The following SRPK2 variants were observed in gnomAD, a reference collection of about 807,000 sequenced individuals.
SRPK2 encodes SRSF protein kinase 2.
A neutral mutation model predicts 90.8 loss-of-function variants in SRPK2; 21 were observed. The ratio of observed to expected loss-of-function variants is 0.23; its 90% CI spans 0.16 to 0.33. The LOEUF is 0.33. Among genes scored for constraint, SRPK2 ranks in the 10% least tolerant of loss-of-function variants. SRPK2 has a pLI of 1.00. For synonymous variants in SRPK2, 288 were observed against 311.1 expected (o/e 0.93, Z 0.78); for missense variants, 620 against 869.0 (o/e 0.71, Z 3.60).
chr7:105,224,865 TTG>T (rs1311326490), intron 2 of SRPK2, among the ~76,000 whole-genome samples: 1 of 152,214 alleles, frequency 6.6e-6, no homozygotes, highest in Non-Finnish European at 1.5e-5. Flanking sequence ...CAAAATGAAT[TTG>T]TTTGCTGAAG....
intron 2 of SRPK2, among the ~76,000 whole-genome samples, chr7:105,319,838 G>A (rs1183986393): frequency 6.0e-5 from 9 of 149,520 alleles, no homozygotes; most frequent in Admixed American, 4.0e-4. Context: ...TCACTTCCGA[G>A]TTCTGGACAT....
At chr7:105,383,241 T>C (rs953787423) in intron 2 of SRPK2, among the ~76,000 whole-genome samples, 4 of 143,248 alleles carry the variant, frequency 2.8e-5, no homozygotes, top group African/African-American at 1.0e-4. Flanking sequence ...ATTTTTTGTA[T>C]TTTTTTTTTT....
At chr7:105,212,520 T>C (rs909152835) in intron 2 of SRPK2, among the ~76,000 whole-genome samples, 1 of 152,218 alleles carries the variant, frequency 6.6e-6, no homozygotes, top group Admixed American at 6.5e-5. Context: ...TAATCTGGTA[T>C]GACTGGAGAG....
intron 2 of SRPK2, among the ~76,000 whole-genome samples, chr7:105,217,898 T>A (rs1236719771): frequency 1.3e-5 from 2 of 152,200 alleles, no homozygotes; most frequent in Non-Finnish European, 2.9e-5. Flanking sequence ...TCCAGTCTCC[T>A]GTATAATTCC....
intron 2 of SRPK2, chr7:105,245,071 ACACC>A (rs1801449039): frequency 1.7e-6 from 1 of 575,516 alleles, no homozygotes; most frequent in African/African-American, 2.0e-5. Context: ...ACACACACAC[ACACC>A]TCTTTTTCTT....
intron 6 of SRPK2, among the ~76,000 whole-genome samples, chr7:105,163,426 C>A (rs767427780): frequency 6.6e-6 from 1 of 152,026 alleles, no homozygotes; most frequent in African/African-American, 2.4e-5. Flanking sequence ...AATGAATAAC[C>A]GGTTTTAAGA....
At position 105,313,714 on chromosome 7, in the gene SRPK2, G is replaced by C. The variant is rs150522003; in HGVS notation, c.71+74934C>G. On this transcript the variant is annotated intron_variant, in intron 2 of 15. Coordinates refer to ENST00000393651, the MANE Select transcript of SRPK2 (RefSeq NM_182692.3). ...TGCAGTCAGCAAAGATTGCACCACT[G>C]CACTCCAGCCTGGACAACAGAGCGA... Among the ~76,000 whole-genome samples the C allele has an allele frequency of 2.3e-3, 346 of 152,228 alleles. 1 individual carries two copies. Among genetic ancestry groups the C allele is most frequent in the African/African-American group, 8.0e-3 (333 of 41,548 alleles).
chr7:105,147,484 A>AT (rs1363242824), intron 7 of SRPK2, among the ~76,000 whole-genome samples: 5 of 151,312 alleles, frequency 3.3e-5, no homozygotes, highest in Non-Finnish European at 7.4e-5. Flanking sequence ...CGCCTGGCTA[A>AT]TTTTTTTTGT....
intron 3 of SRPK2, among the ~76,000 whole-genome samples, chr7:105,176,070 T>C (rs1019829330): frequency 6.6e-5 from 10 of 152,200 alleles, no homozygotes; most frequent in Non-Finnish European, 1.3e-4. Flanking sequence ...GATACAAACG[T>C]TCCAGACAAA....
chr7:105,264,813 G>A (rs1231458148), intron 2 of SRPK2, among the ~76,000 whole-genome samples: 1 of 152,170 alleles, frequency 6.6e-6, no homozygotes, highest in Non-Finnish European at 1.5e-5. Context: ...AACAGCAGAT[G>A]TGGGCAATGC....
chr7:105,379,556 GTAGAGTA>G (rs960131012), intron 2 of SRPK2, among the ~76,000 whole-genome samples: 10 of 152,306 alleles, frequency 6.6e-5, no homozygotes, highest in African/African-American at 2.2e-4. Flanking sequence ...CTCCTAGGTG[GTAGAGTA>G]TAGACTCGGG....
chr7:105,376,843 C>G (rs553070871), intron 2 of SRPK2, among the ~76,000 whole-genome samples: 1 of 101,190 alleles, frequency 9.9e-6, no homozygotes, highest in East Asian at 5.4e-4. Flanking sequence ...CGCCCCCCCA[C>G]CCCCCTTTTT....
upstream of SRPK2, among the ~76,000 whole-genome samples, chr7:105,393,836 G>A (rs1822246048): frequency 6.6e-6 from 1 of 151,992 alleles, no homozygotes; most frequent in Non-Finnish European, 1.5e-5. Context: ...GGCTAAAGTA[G>A]GAGGATCACT....
At chr7:105,351,804 CAA>C (rs569215779) in intron 2 of SRPK2, among the ~76,000 whole-genome samples, 25 of 94,632 alleles carry the variant, frequency 2.6e-4, no homozygotes, top group Admixed American at 1.1e-4. Flanking sequence ...GACTCCATCT[CAA>C]AAAAAAAAAA....
chr7:105,379,705 G>A (rs1045852096), intron 2 of SRPK2, among the ~76,000 whole-genome samples: 11 of 152,088 alleles, frequency 7.2e-5, no homozygotes, highest in African/African-American at 1.7e-4. Flanking sequence ...TGGGCCAGGC[G>A]TGGTGGCTCA....
At chr7:105,160,401 T>G in intron 7 of SRPK2, 106 bp downstream of exon 7, 1 of 632,074 alleles carries the variant, frequency 1.6e-6, no homozygotes, top group Non-Finnish European at 2.9e-6. Context: ...ATATACATTA[T>G]GCACTGATAC....
Position 105,163,876 on chromosome 7 carries a change from C to G in SRPK2, c.515-3263G>C, listed in dbSNP as rs75086111. Among the ~76,000 whole-genome samples, 285 of 152,254 alleles carry G rather than the reference C, an allele frequency of 1.9e-3. 7 individuals carry two copies. The East Asian group carries it at 0.047, about 25-fold the overall frequency. On this transcript the variant is annotated intron_variant, in intron 6 of 15. Transcript: ENST00000393651. ...ATGACAGCACAAACAACAGCCAACA[C>G]CACAGACTTCACGACTGGTTCAACT...
At chr7:105,166,684 G>C (rs1397863613) in intron 6 of SRPK2, among the ~76,000 whole-genome samples, 1 of 152,186 alleles carries the variant, frequency 6.6e-6, no homozygotes, top group Admixed American at 6.5e-5. Flanking sequence ...GCTTATGTCA[G>C]ATTTATCAAG....
chr7:105,290,191 G>C (rs1188173246), intron 2 of SRPK2, among the ~76,000 whole-genome samples: 7 of 88,164 alleles, frequency 7.9e-5, no homozygotes, highest in Admixed American at 2.6e-4. Context: ...AGAGACACAG[G>C]CTCTTCAAAA....
Sources: gnomAD v4.1 joint callset for allele counts (sites outside exome capture counted in the v4.1 genomes callset) on GRCh38, gnomAD v4.1.1 for gene constraint, MANE v1.5 for transcripts, NCBI Gene and HGNC (gene_info 2026-07-23, HGNC 2026-07-21) for gene names.